The following FLT4 variants were observed in gnomAD, a reference collection of about 807,000 sequenced individuals.
FLT4 encodes the protein fms related receptor tyrosine kinase 4.
Under a neutral mutation model 163.2 loss-of-function variants are expected in FLT4, and 30 were observed. The observed-to-expected ratio is 0.18, with a 90% CI of 0.14 to 0.25. The LOEUF (loss-of-function observed/expected upper bound fraction) is 0.25, where lower values mean the gene tolerates loss of function less well. Among genes scored for constraint, FLT4 ranks in the 10% least tolerant of loss-of-function variants. The probability of loss-of-function intolerance (pLI) is 1.00; values close to 1 mark genes in which losing one functional copy is unlikely to be tolerated. For synonymous variants in FLT4, 884 were observed against 789.5 expected (o/e 1.12, Z -2.01); for missense variants, 1,510 against 1,863.8 (o/e 0.81, Z 3.50).
Position 180,630,528 on chromosome 5 carries a change from C to G in FLT4, c.400+27G>C. The G allele has an allele frequency of 6.2e-7, 1 of 1,611,908 alleles. No homozygotes were observed. The highest frequency in any genetic ancestry group is 1.3e-5 in the African/African-American group (1 of 75,002). ...GGCCCCAGCTGCCCGGGACCCTGCT[C>G]CAGCCTGGCCCGCCTCCAAGTCTCA... On this transcript the variant is annotated intron_variant, in intron 3 of 29. Transcript: ENST00000261937. The surrounding 1 kb of genome is among the most constrained non-coding windows in gnomAD (Gnocchi z 6.3).
Position 180,602,878 on chromosome 5 carries a change from C to T in FLT4, c.*314G>A, listed in dbSNP as rs530838419. 1.0e-4 allele frequency: 61 copies of T among 584,698 alleles called. No homozygotes were observed. Among genetic ancestry groups the T allele is most frequent in the Admixed American group, 4.5e-4 (15 of 32,972 alleles). The allele number at this position is 584,698 out of a possible 1,614,324, so 36.2% of individuals were successfully genotyped here. A position where few individuals can be genotyped will look rare whatever the true frequency, so the allele number is the denominator to read the frequency against. ...ACCACCCAGTGTGATGAAAGGAGGT[C>T]GCCAAAGAGACATTCCCATGGAAGT... On this transcript the variant is annotated 3_prime_UTR_variant, in exon 30 of 30. Transcript: ENST00000261937.
Position 180,621,780 on chromosome 5 carries a change from G to C in FLT4, c.1782C>G (p.Asn594Lys). The part of the protein sequence containing the change: ...KYEHLRWYRL[N>K]LSTLHDAHGN... ...CGTGCGCATCGTGCAGCGTGGACAG[G>C]TTGAGGCGGTACCAGCGCAGATGCT... Residue 594 changes from asparagine to lysine, a missense_variant, in exon 13 of 30, where the codon AAC (asparagine) becomes AAG (lysine). Coordinates refer to ENST00000261937, the MANE Select transcript of FLT4 (RefSeq NM_182925.5). 6.2e-7 allele frequency: 1 copy of C among 1,613,396 alleles called. No individual in the cohort carries two copies. The highest frequency in any genetic ancestry group is 8.5e-7 in the Non-Finnish European group (1 of 1,180,002).
In FLT4 at chr5:180,629,369, G is replaced by A. The variant is rs777711878; in HGVS notation, c.875C>T (p.Ser292Phe). ...GACGTTGTGGATGGTCAGGATGCTGGAGAGTTCTGTGTGGGTCTGCTGGGA... is the reference window on the plus strand; with the variant it reads ...GACGTTGTGGATGGTCAGGATGCTGAAGAGTTCTGTGTGGGTCTGCTGGGA... ...RRSQQTHTEL[S>F]SILTIHNVSQ... is the part of the protein sequence containing the mutation. Residue 292 changes from serine to phenylalanine, a missense_variant, in exon 7 of 30, where the codon TCC becomes TTC. Transcript: ENST00000261937. 4 of 1,612,836 alleles carry A rather than the reference G, an allele frequency of 2.5e-6. No individual in the cohort carries two copies. Among genetic ancestry groups the A allele is most frequent in the South Asian group, 2.2e-5 (2 of 91,068 alleles).
intron 1 of FLT4, among the ~76,000 whole-genome samples, chr5:180,637,878 C>G (rs556843840): frequency 3.7e-4 from 56 of 152,212 alleles, no homozygotes; most frequent in Non-Finnish European, 7.6e-4. Context: ...GTTCCACACT[C>G]TCTTCCAGCC....
At chr5:180,629,921 G>C in intron 5 of FLT4, 22 bp downstream of exon 5, 1 of 1,612,286 alleles carries the variant, frequency 6.2e-7, no homozygotes, top group Non-Finnish European at 8.5e-7. Flanking sequence ...CCGTTACTGG[G>C]AACGGGGCAC....
At chr5:180,616,338 G>A (rs772106700) in intron 23 of FLT4, 29 bp downstream of exon 23, 22 of 1,613,424 alleles carry the variant, frequency 1.4e-5, no homozygotes, top group Middle Eastern at 3.3e-4. Context: ...TCCGCCCCAC[G>A]TTCCCTCTCC....
chr5:180,642,403 T>G (rs949057133), intron 1 of FLT4, among the ~76,000 whole-genome samples: 3 of 151,988 alleles, frequency 2.0e-5, no homozygotes, highest in African/African-American at 7.3e-5. Context: ...ATTAGGAGCT[T>G]GCTGGCCCAG....
At chr5:180,622,010 G>A (rs1581653217) in intron 12 of FLT4, 106 bp from the exon 13 acceptor site, 1 of 1,203,934 alleles carries the variant, frequency 8.3e-7, no homozygotes, top group East Asian at 2.5e-5. Flanking sequence ...CTCTCTCCTG[G>A]AGGGGCCCCA....
At chr5:180,608,211 T>C in intron 29 of FLT4, 1 of 700,748 alleles carries the variant, frequency 1.4e-6, no homozygotes, top group Non-Finnish European at 2.6e-6. Flanking sequence ...AGTCTTAAAG[T>C]CTTTGATCTT....
intron 1 of FLT4, among the ~76,000 whole-genome samples, chr5:180,642,632 G>A (rs1765215185): frequency 6.6e-6 from 1 of 152,156 alleles, no homozygotes; most frequent in Non-Finnish European, 1.5e-5. Context: ...CAGCTCTCCT[G>A]GGCTCCAGTC....
intron 1 of FLT4, among the ~76,000 whole-genome samples, chr5:180,644,286 C>T (rs1350940077): frequency 6.6e-6 from 1 of 152,184 alleles, no homozygotes; most frequent in Non-Finnish European, 1.5e-5. Context: ...GGAAAGAGGG[C>T]ACAGGGTACC....
At chr5:180,610,574 A>T (rs148576147) in intron 27 of FLT4, among the ~76,000 whole-genome samples, 3 of 152,208 alleles carry the variant, frequency 2.0e-5, no homozygotes, top group African/African-American at 7.2e-5. Context: ...AATGCCAGGG[A>T]TAAGAGAGCC....
rs377620193 is a variant in FLT4, at chr5:180,604,884, G to A, written c.3894-1494C>T. Among the ~76,000 whole-genome samples, 56 of 151,640 alleles carry A rather than the reference G, an allele frequency of 3.7e-4. 2 individuals are homozygous for A. In the South Asian group the frequency reaches 0.01, roughly 28 times the overall value. On this transcript the variant is annotated intron_variant, in intron 29 of 29. Transcript: ENST00000261937. ...TTCAGTTTTGTTTTCCTCTTTTCAC[G>A]TCCATCCTCTGTGTCTGGCACTATC...
At chr5:180,607,915 G>A in intron 29 of FLT4, 1 of 597,672 alleles carries the variant, frequency 1.7e-6, no homozygotes, top group Non-Finnish European at 3.0e-6. Flanking sequence ...AGGGCCGCTT[G>A]AGGGCTCTTT....
intron 1 of FLT4, among the ~76,000 whole-genome samples, chr5:180,648,808 G>A (rs1336411495): frequency 6.6e-6 from 1 of 152,162 alleles, no homozygotes; most frequent in African/African-American, 2.4e-5. Flanking sequence ...GCTGGCCTTC[G>A]AGGCCCCTGT....
intron 28 of FLT4, chr5:180,609,497 C>T (rs948761214): frequency 2.3e-5 from 8 of 349,030 alleles, no homozygotes; most frequent in Middle Eastern, 9.2e-4. Context: ...AGGGAAACTG[C>T]GATCTTTTCA....
rs771633655 is a variant in FLT4 at position 180,626,191 on chromosome 5, C to T, written c.1178G>A (p.Ser393Asn). Residue 393 changes from serine (S) to asparagine (N), a missense_variant, in exon 9 of 30, where the codon AGC becomes AAC. By Grantham distance (46) the Ser-to-Asn change is conservative (BLOSUM62 1). Coordinates refer to ENST00000261937, the MANE Select transcript of FLT4 (RefSeq NM_182925.5). Reference protein sequence around the residue: ...ALVLKEVTEASTGTYTLALWN... With the variant: ...ALVLKEVTEANTGTYTLALWN... ...CAGGGCGAGGGTGTAGGTGCCTGTGCTGGCCTCTGTCACCTCCTTGAGCAC... is the reference window on the plus strand; with the variant it reads ...CAGGGCGAGGGTGTAGGTGCCTGTGTTGGCCTCTGTCACCTCCTTGAGCAC... 4 of 1,612,634 alleles carry T rather than the reference C, an allele frequency of 2.5e-6. No homozygotes were observed. In the African/African-American group the frequency reaches 5.3e-5, roughly 22 times the overall value.
Position 180,634,858 on chromosome 5 carries a change from ATGGGTGGATG to A in FLT4, c.59-3090_59-3081del, listed in dbSNP as rs1561748066. 8.0e-4 allele frequency among the ~76,000 whole-genome samples: 55 copies of A among 69,010 alleles called. 21 individuals carry two copies. Among genetic ancestry groups the A allele is most frequent in the East Asian group, 1.4e-3 (2 of 1,414 alleles). The allele number at this position is 69,010 out of a possible 152,430, so 45.3% of individuals were successfully genotyped here. On this transcript the variant is annotated intron_variant, in intron 1 of 29. Transcript: ENST00000261937. The stretch of plus-strand genomic sequence containing the variant: ...GATGGATGCATGGATGGATGGAAGT[ATGGGTGGATG>A]GGTGGGTGGGTGGGTGGATGGATGC...
In FLT4 at chr5:180,611,378, G is replaced by A. The variant is rs200675458; in HGVS notation, c.3639C>T (p.Asp1213=). 2.2e-5 allele frequency: 36 copies of A among 1,613,916 alleles called. No homozygotes were observed. Among genetic ancestry groups the A allele is most frequent in the Non-Finnish European group, 2.8e-5 (33 of 1,179,986 alleles). ...STMALHIAQA[D]AEDSPPSLQR... ...GCAGGCTTGGCGGGCTGTCCTCAGC[G>A]TCAGCCTGGGCGATGTGTAGGGCCA... Residue 1213 remains aspartate (D), a synonymous_variant, in exon 27 of 30, where the codon GAC becomes GAT. Coordinates refer to ENST00000261937, the MANE Select transcript of FLT4 (RefSeq NM_182925.5).
Sources: gnomAD v4.1 joint callset for allele counts (sites outside exome capture counted in the v4.1 genomes callset) on GRCh38, gnomAD v4.1.1 for gene constraint, Gnocchi (gnomAD v3.1) non-coding constraint, MANE v1.5 for transcripts, NCBI Gene and HGNC (gene_info 2026-07-23, HGNC 2026-07-21) for gene names.